Variants in SYN2 observed in about 807,000 individuals in gnomAD.
SYN2 encodes synapsin II, also known as synapsin-2.
SYN2 carries 19 observed loss-of-function variants against 50.9 expected under a neutral mutation model. The ratio of observed to expected loss-of-function variants is 0.37; its 90% confidence interval spans 0.26 to 0.55. The LOEUF (loss-of-function observed/expected upper bound fraction) is 0.55. Among genes scored for constraint, SYN2 ranks in the 20% least tolerant of loss-of-function variants. The pLI is 0.81. For synonymous variants in SYN2, 255 were observed against 224.9 expected (o/e 1.13, Z -1.20); for missense variants, 587 against 576.4 (o/e 1.02, Z -0.19).
At chr3:12,013,837 C>G (rs999653286) in intron 1 of SYN2, among the ~76,000 whole-genome samples, 2 of 152,168 alleles carry the variant, frequency 1.3e-5, no homozygotes, top group African/African-American at 4.8e-5. Flanking sequence ...CTCCTGCCGT[C>G]TCTAATTATT....
intron 4 of SYN2, 55 bp from the exon 5 acceptor site, chr3:12,151,182 C>T: frequency 7.9e-7 from 1 of 1,259,764 alleles, no homozygotes; most frequent in Non-Finnish European, 1.1e-6. Flanking sequence ...GTTGATGTTT[C>T]ATCTGTTTCA....
intron 1 of SYN2, among the ~76,000 whole-genome samples, chr3:12,034,856 T>G (rs1412633038): frequency 6.6e-6 from 1 of 152,134 alleles, no homozygotes. Context: ...CCTTCTCACA[T>G]GCAAAATATA....
chr3:12,188,528 G>A (rs1698388168), intron 12 of SYN2, among the ~76,000 whole-genome samples: 1 of 152,238 alleles, frequency 6.6e-6, no homozygotes, highest in Non-Finnish European at 1.5e-5. Context: ...AGGGAGAAAA[G>A]GGGGCTGGAG....
chr3:12,184,304 CT>C, intron 11 of SYN2: 2 of 984,436 alleles, frequency 2.0e-6, no homozygotes, highest in Non-Finnish European at 2.4e-6. Flanking sequence ...TTCATTGTTG[CT>C]GTTTCTGGAT....
intron 1 of SYN2, among the ~76,000 whole-genome samples, chr3:12,049,892 A>G (rs1163562681): frequency 6.6e-6 from 1 of 152,184 alleles, no homozygotes; most frequent in Non-Finnish European, 1.5e-5. Context: ...AGCAGGCACC[A>G]GAACTGTGCA....
At chr3:12,138,805 TAAC>T (rs1289174609) in intron 1 of SYN2, among the ~76,000 whole-genome samples, 1 of 152,198 alleles carries the variant, frequency 6.6e-6, no homozygotes, top group Non-Finnish European at 1.5e-5. Flanking sequence ...GCATTGCTGA[TAAC>T]AAGGTAGACA....
chr3:12,170,554 T>C (rs1410026765), intron 10 of SYN2, among the ~76,000 whole-genome samples: 2 of 152,242 alleles, frequency 1.3e-5, no homozygotes, highest in African/African-American at 4.8e-5. Flanking sequence ...CATCAGGCCC[T>C]GTGGCAGGGA....
At chr3:12,085,423 T>C (rs1695682068) in intron 1 of SYN2, among the ~76,000 whole-genome samples, 1 of 151,680 alleles carries the variant, frequency 6.6e-6, no homozygotes, top group African/African-American at 2.4e-5. Flanking sequence ...TAAATATATG[T>C]GGTGAATATT....
rs1381524716 is a variant in SYN2, at chr3:12,162,030, T to C, written c.856T>C (p.Tyr286His). The part of the protein sequence containing the change: ...GMGKVKVENH[Y>H]DFQDIASVVA... ...ACATTAGGTCAAAGTGGAAAACCAC[T>C]ACGACTTCCAGGACATTGCCAGCGT... The change falls in exon 7 of 13, where the codon TAC becomes CAC. Residue 286 changes from tyrosine to histidine, a missense_variant. By Grantham distance (83) the Tyr-to-His change is moderately conservative. Transcript: ENST00000621198. 1.2e-6 allele frequency: 2 copies of C among 1,613,914 alleles called. No individual in the cohort carries two copies. The highest frequency in any genetic ancestry group is 2.7e-5 in the African/African-American group (2 of 74,922).
At chr3:12,186,073 C>A (rs1047231929) in intron 11 of SYN2, among the ~76,000 whole-genome samples, 7 of 152,178 alleles carry the variant, frequency 4.6e-5, no homozygotes, top group African/African-American at 1.4e-4. Context: ...AGCGGATAGT[C>A]ATGGGTGCAC....
intron 10 of SYN2, among the ~76,000 whole-genome samples, chr3:12,174,131 A>C (rs1230953003): frequency 2.0e-5 from 3 of 151,696 alleles, no homozygotes; most frequent in African/African-American, 7.3e-5. Context: ...GAGTGTCTAA[A>C]CATCAGTGCC....
rs1371185366 is a variant in SYN2, at chr3:12,145,907, G to A, written c.684+72G>A. On this transcript the variant is annotated intron_variant, in intron 4 of 12. Coordinates refer to ENST00000621198, the MANE Select transcript of SYN2 (RefSeq NM_133625.6). ...CTACATCTCCCAGGTCCCTAGCAGG[G>A]ACTCAAGATGCAGTAGGCCCCAGCC... is the stretch of plus-strand genomic sequence containing the variant. 4.0e-5 allele frequency: 64 copies of A among 1,588,780 alleles called. 1 individual carries two copies. In the East Asian group the frequency reaches 1.2e-3, roughly 30 times the overall value.
At chr3:12,139,518 T>C (rs1236304290) in intron 1 of SYN2, among the ~76,000 whole-genome samples, 1 of 152,200 alleles carries the variant, frequency 6.6e-6, no homozygotes, top group Non-Finnish European at 1.5e-5. Flanking sequence ...TATAGGGCCT[T>C]GAATACACCA....
At chr3:12,022,061 T>C (rs1252727406) in intron 1 of SYN2, among the ~76,000 whole-genome samples, 3 of 149,018 alleles carry the variant, frequency 2.0e-5, no homozygotes, top group Non-Finnish European at 1.5e-5. Context: ...CAGAGTAAGA[T>C]TGCAAGGCTC....
At position 12,105,352 on chromosome 3, in the gene SYN2, A is replaced by G. The variant is rs1190052604; in HGVS notation, c.378-35299A>G. Among the ~76,000 whole-genome samples, 4 of 151,878 alleles carry G rather than the reference A, an allele frequency of 2.6e-5. No individual in the cohort carries two copies. In the South Asian group the frequency reaches 8.4e-4, roughly 32 times the overall value. ...CCTTACATGGCGAGAAGTAACCTTG[A>G]TCTCCTCTAAGTCACTATAGTCTTT... is the stretch of plus-strand genomic sequence containing the variant. On this transcript the variant is annotated intron_variant, in intron 1 of 12. Transcript: ENST00000621198.
chr3:12,094,992 C>T (rs762212539), intron 1 of SYN2, among the ~76,000 whole-genome samples: 6 of 152,068 alleles, frequency 3.9e-5, no homozygotes, highest in African/African-American at 1.2e-4. Context: ...TGTTGGCCTA[C>T]GTGTGGTGAC....
chr3:12,065,727 G>A (rs1425564723), intron 1 of SYN2, among the ~76,000 whole-genome samples: 1 of 152,084 alleles, frequency 6.6e-6, no homozygotes, highest in Non-Finnish European at 1.5e-5. Flanking sequence ...GGGGGCAAGG[G>A]TTGGAAAAAC....
At chr3:12,135,536 G>A (rs1696879166) in intron 1 of SYN2, among the ~76,000 whole-genome samples, 1 of 152,196 alleles carries the variant, frequency 6.6e-6, no homozygotes, top group Non-Finnish European at 1.5e-5. Flanking sequence ...CTTCAGTGCT[G>A]TCATCTTCTA....
At position 12,168,479 on chromosome 3, in the gene SYN2, G is replaced by A. The variant is rs1697859354; in HGVS notation, c.1158+1G>A. ...AGATGGGAAAGACTACATTTTTGAGGTAAGTCTGGACCAAGCAGTAAGAGG... is the reference window on the plus strand; with the variant it reads ...AGATGGGAAAGACTACATTTTTGAGATAAGTCTGGACCAAGCAGTAAGAGG... On this transcript the variant is annotated splice_donor_variant, in intron 9 of 12. Coordinates refer to ENST00000621198, the MANE Select transcript of SYN2 (RefSeq NM_133625.6). LOFTEE classifies it high-confidence loss of function. 6.2e-7 allele frequency: 1 copy of A among 1,613,028 alleles called. No homozygotes were observed. Among genetic ancestry groups the A allele is most frequent in the South Asian group, 1.1e-5 (1 of 90,888 alleles).
Sources: allele counts gnomAD v4.1 joint callset (sites outside exome capture counted in the v4.1 genomes callset), GRCh38; gene constraint gnomAD v4.1.1; transcripts MANE v1.5; gene names NCBI Gene and HGNC (gene_info 2026-07-23, HGNC 2026-07-21).